FRAS1: variants seen among roughly 807,000 people sequenced by gnomAD.
FRAS1 encodes extracellular matrix organizing protein FRAS1.
In FRAS1, 290 loss-of-function variants were observed where a neutral mutation model predicts 435.2. The observed-to-expected ratio is 0.67, with a 90% CI of 0.61 to 0.73. The LOEUF is 0.73. Ranked by LOEUF, FRAS1 falls within the 30% of genes least tolerant of loss-of-function variation. FRAS1 has a pLI of 0.00. For synonymous variants in FRAS1, 1,800 were observed against 1,851.0 expected, an observed-to-expected ratio of 0.97 and a Z score of 0.71; for missense variants, 4,860 against 5,001.5, an observed-to-expected ratio of 0.97 and a Z score of 0.85.
At chr4:78,424,490 C>A in intron 35 of FRAS1, 70 bp downstream of exon 35, 1 of 703,184 alleles carries the variant, frequency 1.4e-6, no homozygotes, top group South Asian at 2.6e-5. Context: ...TCTTTTTGTT[C>A]CCATCATCAT....
At chr4:78,411,548 G>A (rs544235822) in intron 31 of FRAS1, among the ~76,000 whole-genome samples, 1 of 152,282 alleles carries the variant, frequency 6.6e-6, no homozygotes, top group African/African-American at 2.4e-5. Flanking sequence ...ATGGCATAGT[G>A]CAAAGAAAGC....
At chr4:78,081,828 T>C (rs1221532646) in intron 2 of FRAS1, among the ~76,000 whole-genome samples, 1 of 152,098 alleles carries the variant, frequency 6.6e-6, no homozygotes, top group Non-Finnish European at 1.5e-5. Flanking sequence ...TCTTTCCTCC[T>C]CCCTCCTTTC....
In FRAS1 at chr4:78,507,538, T is replaced by C; in HGVS notation, c.9434T>C (p.Val3145Ala). Reference protein sequence around the residue: ...DDPVEAVLGDVTTATVTILDQ... With the variant: ...DDPVEAVLGDATTATVTILDQ... ...CCAGTGGAAGCAGTTCTTGGGGATG[T>C]GACTACTGCCACGGTGACAATTCTA... Residue 3145 changes from valine (V) to alanine (A), a missense_variant, in exon 62 of 74, where the codon GTG becomes GCG. Val to Ala is a moderately conservative substitution (Grantham distance 64). Coordinates refer to ENST00000512123, the MANE Select transcript of FRAS1 (RefSeq NM_025074.7). 1.2e-6 allele frequency: 2 copies of C among 1,612,230 alleles called. No individual in the cohort carries two copies. Among genetic ancestry groups the C allele is most frequent in the Non-Finnish European group, 1.7e-6 (2 of 1,179,272 alleles).
chr4:78,259,483 T>C (rs1578211703), intron 6 of FRAS1, among the ~76,000 whole-genome samples: 1 of 151,430 alleles, frequency 6.6e-6, no homozygotes, highest in South Asian at 2.1e-4. Context: ...TTTCATGTGT[T>C]TTTTGGCTGC....
intron 2 of FRAS1, among the ~76,000 whole-genome samples, chr4:78,127,337 G>C (rs1352452880): frequency 6.6e-6 from 1 of 152,104 alleles, no homozygotes; most frequent in Non-Finnish European, 1.5e-5. Context: ...AAGGGCTTTG[G>C]ACTCTATCTC....
At chr4:78,239,348 T>A (rs923205197) in intron 3 of FRAS1, among the ~76,000 whole-genome samples, 1 of 152,196 alleles carries the variant, frequency 6.6e-6, no homozygotes, top group African/African-American at 2.4e-5. Flanking sequence ...TCTTCCTTCA[T>A]GAAACAGTAA....
At chr4:78,183,096 G>A (rs1722104490) in intron 2 of FRAS1, among the ~76,000 whole-genome samples, 1 of 152,140 alleles carries the variant, frequency 6.6e-6, no homozygotes, top group Non-Finnish European at 1.5e-5. Context: ...AGTCTCTGAT[G>A]TTGAGACAGG....
chr4:78,135,215 C>A (rs1265344383), intron 2 of FRAS1, among the ~76,000 whole-genome samples: 1 of 152,164 alleles, frequency 6.6e-6, no homozygotes, highest in African/African-American at 2.4e-5. Context: ...AAAACTCTTG[C>A]CGTCATAGTC....
chr4:78,312,879 G>GAGAGAGAGAGAGAGAA (rs143465313), intron 15 of FRAS1, among the ~76,000 whole-genome samples: 3,367 of 127,958 alleles, frequency 0.026, 46 homozygotes, highest in Middle Eastern at 0.042. Flanking sequence ...GAGAGAGAGA[G>GAGAGAGAGAGAGAGAA]AGAAAGAAAG....
intron 44 of FRAS1, among the ~76,000 whole-genome samples, chr4:78,449,814 A>G (rs1412817217): frequency 1.3e-5 from 2 of 152,196 alleles, no homozygotes; most frequent in African/African-American, 4.8e-5. Flanking sequence ...TCATAGATCT[A>G]GGAGTTATTT....
chr4:78,319,017 C>T (rs1324400877), intron 18 of FRAS1, 31 bp downstream of exon 18: 1 of 1,607,070 alleles, frequency 6.2e-7, no homozygotes, highest in Admixed American at 1.7e-5. Flanking sequence ...TGTTAGGTAG[C>T]CTCTGGGCTT....
At chr4:78,260,327 A>G (rs970580097) in intron 6 of FRAS1, among the ~76,000 whole-genome samples, 3 of 151,950 alleles carry the variant, frequency 2.0e-5, no homozygotes, top group South Asian at 2.1e-4. Flanking sequence ...GATTCTTCCT[A>G]CCCATGAGCA....
At chr4:78,124,042 G>T (rs1012522904) in intron 2 of FRAS1, among the ~76,000 whole-genome samples, 12 of 152,274 alleles carry the variant, frequency 7.9e-5, no homozygotes, top group Middle Eastern at 3.4e-3. Context: ...GGGTATCCTT[G>T]TCTTGTGCCA....
At chr4:78,252,739 C>G (rs1484438724) in intron 5 of FRAS1, among the ~76,000 whole-genome samples, 188 bp downstream of exon 5, 1 of 152,112 alleles carries the variant, frequency 6.6e-6, no homozygotes, top group African/African-American at 2.4e-5. Flanking sequence ...CATCACATAT[C>G]AGTAGGACCG....
At chr4:78,343,344 A>T (rs1166009737) in intron 20 of FRAS1, among the ~76,000 whole-genome samples, 1 of 152,164 alleles carries the variant, frequency 6.6e-6, no homozygotes, top group African/African-American at 2.4e-5. Flanking sequence ...ACTTTGAACA[A>T]TTGGTTTGCA....
intron 2 of FRAS1, among the ~76,000 whole-genome samples, chr4:78,132,704 A>G (rs1325460666): frequency 6.6e-6 from 1 of 152,186 alleles, no homozygotes; most frequent in African/African-American, 2.4e-5. Context: ...CTAAGAAAGA[A>G]CAAAGAAAGG....
intron 14 of FRAS1, among the ~76,000 whole-genome samples, chr4:78,305,928 T>C (rs1422095317): frequency 1.3e-5 from 2 of 152,030 alleles, no homozygotes. Context: ...CTTATTTTGC[T>C]CATTAGTTGA....
At chr4:78,513,157 T>C (rs1485650361) in intron 64 of FRAS1, among the ~76,000 whole-genome samples, 1 of 151,960 alleles carries the variant, frequency 6.6e-6, no homozygotes, top group Non-Finnish European at 1.5e-5. Flanking sequence ...AAAAAAAATC[T>C]ATAATTCTAG....
At chr4:78,164,206 G>C (rs1721251007) in intron 2 of FRAS1, among the ~76,000 whole-genome samples, 3 of 152,176 alleles carry the variant, frequency 2.0e-5, no homozygotes. Flanking sequence ...GGCAGGAAGG[G>C]AACCGTTTGT....
Sources: gnomAD v4.1 joint callset for allele counts (sites outside exome capture counted in the v4.1 genomes callset) on GRCh38, gnomAD v4.1.1 for gene constraint, MANE v1.5 for transcripts, NCBI Gene and HGNC (gene_info 2026-07-23, HGNC 2026-07-21) for gene names.